Variants in ADD3 observed in about 807,000 individuals in gnomAD.
The protein encoded by ADD3 is gamma-adducin.
A neutral mutation model predicts 80.2 loss-of-function variants in ADD3; 25 were observed. The ratio of observed to expected loss-of-function variants is 0.31; its 90% confidence interval spans 0.23 to 0.44. ADD3 has a LOEUF of 0.44. Among genes scored for constraint, ADD3 ranks in the 20% least tolerant of loss-of-function variants. The pLI is 1.00. For missense variants in ADD3, 829 were observed against 847.5 expected, an observed-to-expected ratio of 0.98 and a Z score of 0.27; for synonymous variants, 284 against 289.6, an observed-to-expected ratio of 0.98 and a Z score of 0.20.
chr10:110,040,063 G>A (rs938446152), intron 1 of ADD3, among the ~76,000 whole-genome samples: 23 of 152,196 alleles, frequency 1.5e-4, no homozygotes, highest in African/African-American at 4.8e-4. Flanking sequence ...GTGATACAGC[G>A]TGAGAAGGGA....
upstream of ADD3, among the ~76,000 whole-genome samples, chr10:110,004,148 G>T (rs1215090247): frequency 6.6e-6 from 1 of 151,854 alleles, no homozygotes; most frequent in African/African-American, 2.4e-5. Context: ...GAAATAAAAA[G>T]CCCTCCTTGC....
chr10:110,123,690 A>T (rs1851795504), intron 9 of ADD3: 1 of 221,038 alleles, frequency 4.5e-6, no homozygotes, highest in Non-Finnish European at 9.1e-6. Flanking sequence ...CAGAGACTTA[A>T]ATGAGCACTG....
At chr10:110,023,885 A>G (rs1475963208) in intron 1 of ADD3, among the ~76,000 whole-genome samples, 1 of 152,192 alleles carries the variant, frequency 6.6e-6, no homozygotes, top group South Asian at 2.1e-4. Flanking sequence ...ACTTTTGTGC[A>G]TTGCATTATC....
intron 12 of ADD3, among the ~76,000 whole-genome samples, chr10:110,127,267 T>TC (rs1452590149): frequency 6.6e-6 from 1 of 152,254 alleles, no homozygotes; most frequent in Non-Finnish European, 1.5e-5. Context: ...TGCCTTTTTT[T>TC]CATTGGCTTA....
At chr10:110,124,498 A>G (rs1319470351) in intron 10 of ADD3, among the ~76,000 whole-genome samples, 1 of 152,172 alleles carries the variant, frequency 6.6e-6, no homozygotes, top group Non-Finnish European at 1.5e-5. Context: ...TATTTTATAG[A>G]TGAGAAAACC....
intron 1 of ADD3, among the ~76,000 whole-genome samples, chr10:110,029,122 G>A (rs1258390421): frequency 6.6e-6 from 1 of 152,148 alleles, no homozygotes; most frequent in Admixed American, 6.5e-5. Flanking sequence ...CAGGTGATCC[G>A]CCTGCCTCGG....
intron 1 of ADD3, among the ~76,000 whole-genome samples, chr10:110,012,291 TGA>T (rs1852426272): frequency 6.6e-6 from 1 of 152,248 alleles, no homozygotes; most frequent in Non-Finnish European, 1.5e-5. Context: ...TTAATGTTGC[TGA>T]ATATCTGGAC....
chr10:110,000,650 A>T (rs74154936), intron 1 of ADD3, among the ~76,000 whole-genome samples: 1,698 of 152,356 alleles, frequency 0.011, 34 homozygotes, highest in African/African-American at 0.04. Context: ...GAATCTAAGC[A>T]CTTAGAGAAT....
intron 12 of ADD3, among the ~76,000 whole-genome samples, chr10:110,127,746 C>T (rs1243760854): frequency 2.6e-5 from 4 of 152,234 alleles, no homozygotes; most frequent in Admixed American, 6.5e-5. Flanking sequence ...AGGCCAGCTG[C>T]ACAGGTTCAT....
intron 1 of ADD3, among the ~76,000 whole-genome samples, chr10:110,000,476 G>A (rs1318368915): frequency 6.6e-6 from 1 of 152,192 alleles, no homozygotes; most frequent in South Asian, 2.1e-4. Flanking sequence ...TTCATTCGAC[G>A]AGTACTTTTG....
At chr10:110,003,598 T>A (rs1851531550), upstream of ADD3, among the ~76,000 whole-genome samples, 2 of 152,158 alleles carry the variant, frequency 1.3e-5, no homozygotes, top group African/African-American at 4.8e-5. Context: ...AAGACAGCTA[T>A]ACTGAGGCAC....
At chr10:110,111,502 A>G (rs1333345113) in intron 2 of ADD3, among the ~76,000 whole-genome samples, 1 of 152,156 alleles carries the variant, frequency 6.6e-6, no homozygotes, top group Admixed American at 6.5e-5. Context: ...CGTTCTCTTA[A>G]TATTAGTTCA....
At chr10:110,065,774 A>G (rs1229045426) in intron 1 of ADD3, among the ~76,000 whole-genome samples, 2 of 151,334 alleles carry the variant, frequency 1.3e-5, no homozygotes, top group Non-Finnish European at 2.9e-5. Flanking sequence ...TCCTGACCTT[A>G]AATGATCCAC....
chr10:110,118,735 C>G lies in ADD3; in HGVS notation c.716C>G (p.Ala239Gly), dbSNP rs1441287808. ...VIHIHTLATA[A>G]VSSMKCGILP... is the part of the protein sequence containing the mutation. ...CACATCCATACCCTTGCAACAGCAG[C>G]TGTAAGTCAATGAAAGTCCAAAACT... Residue 239 changes from alanine to glycine, a missense_variant and splice_region_variant, in exon 6 of 15, where the codon GCT becomes GGT. Coordinates refer to ENST00000356080, the MANE Select transcript of ADD3 (RefSeq NM_016824.5). The G allele has an allele frequency of 6.2e-7, 1 of 1,613,392 alleles. No individual in the cohort carries two copies. The highest frequency in any genetic ancestry group is 8.5e-7 in the Non-Finnish European group (1 of 1,179,594).
intron 1 of ADD3, among the ~76,000 whole-genome samples, chr10:110,030,348 T>G (rs892173510): frequency 3.4e-5 from 5 of 148,958 alleles, no homozygotes; most frequent in African/African-American, 1.2e-4. Context: ...AAGAAAGTGG[T>G]GATTATTATG....
rs184112420 is a variant in ADD3, at chr10:110,008,638, A to T, written c.-30+339A>T. On this transcript the variant is annotated intron_variant, in intron 1 of 14. Coordinates refer to ENST00000356080, the MANE Select transcript of ADD3 (RefSeq NM_016824.5). ...TAGGAAGGCGGGGAGTACCAAAATCAGTTACTGGCTGAAGCTTAGGTGACC... is the reference window on the plus strand; with the variant it reads ...TAGGAAGGCGGGGAGTACCAAAATCTGTTACTGGCTGAAGCTTAGGTGACC... 2.7e-3 allele frequency among the ~76,000 whole-genome samples: 412 copies of T among 152,240 alleles called. 3 individuals carry two copies. The highest frequency in any genetic ancestry group is 9.4e-3 in the African/African-American group (389 of 41,564).
At chr10:110,125,145 C>T (rs1195404786) in intron 10 of ADD3, among the ~76,000 whole-genome samples, 1 of 152,094 alleles carries the variant, frequency 6.6e-6, no homozygotes, top group African/African-American at 2.4e-5. Context: ...TCTTGCCTCC[C>T]AGTAAAAGAA....
intron 1 of ADD3, among the ~76,000 whole-genome samples, chr10:110,076,359 C>T (rs1333143429): frequency 6.6e-6 from 1 of 151,974 alleles, no homozygotes; most frequent in Admixed American, 6.6e-5. Flanking sequence ...AAAATTCCTA[C>T]AAAATTATTG....
chr10:110,058,644 A>G (rs571712515), intron 1 of ADD3, among the ~76,000 whole-genome samples: 4 of 152,196 alleles, frequency 2.6e-5, no homozygotes, highest in Non-Finnish European at 5.9e-5. Flanking sequence ...ATAATTCTAT[A>G]GCATTTTCTT....
Sources: allele counts gnomAD v4.1 joint callset (sites outside exome capture counted in the v4.1 genomes callset), GRCh38; gene constraint gnomAD v4.1.1; transcripts MANE v1.5; gene names NCBI Gene and HGNC (gene_info 2026-07-23, HGNC 2026-07-21).